The following CTNNA2 variants were observed in gnomAD, a reference collection of about 807,000 sequenced individuals.
CTNNA2 encodes the protein catenin alpha-2.
Under a neutral mutation model 101.0 loss-of-function variants are expected in CTNNA2, and 42 were observed. That is an observed-to-expected ratio of 0.42 (90% CI 0.32 to 0.54). The LOEUF is 0.54. CTNNA2 is among the 20% of genes least tolerant of loss of function. The pLI, the probability that CTNNA2 is intolerant of heterozygous loss-of-function variation, is 0.14. For synonymous variants in CTNNA2, 450 were observed against 456.4 expected, an observed-to-expected ratio of 0.99 and a Z score of 0.18; for missense variants, 871 against 1,223.1, an observed-to-expected ratio of 0.71 and a Z score of 4.29.
At chr2:79,963,853 T>C (rs994316156) in intron 7 of CTNNA2, among the ~76,000 whole-genome samples, 4 of 152,202 alleles carry the variant, frequency 2.6e-5, no homozygotes, top group African/African-American at 9.6e-5. Flanking sequence ...CCTTTGGAAA[T>C]TTGATTCTCA....
At chr2:80,044,386 A>AG (rs1479381854) in intron 7 of CTNNA2, among the ~76,000 whole-genome samples, 2 of 151,582 alleles carry the variant, frequency 1.3e-5, no homozygotes, top group African/African-American at 2.4e-5. Context: ...CATTTGTAAA[A>AG]AAAAATTAAA....
intron 3 of CTNNA2, among the ~76,000 whole-genome samples, chr2:79,364,009 A>T (rs1465268971): frequency 6.6e-6 from 1 of 152,180 alleles, no homozygotes; most frequent in Non-Finnish European, 1.5e-5. Context: ...AGCTGGAGAA[A>T]AGGCATTACA....
At chr2:80,300,608 A>G (rs1676196279) in intron 7 of CTNNA2, among the ~76,000 whole-genome samples, 1 of 151,928 alleles carries the variant, frequency 6.6e-6, no homozygotes, top group Non-Finnish European at 1.5e-5. Context: ...TCTTCCTGCT[A>G]TTTGGACTTC....
At chr2:79,803,856 C>T (rs1449312133) in intron 3 of CTNNA2, among the ~76,000 whole-genome samples, 1 of 152,178 alleles carries the variant, frequency 6.6e-6, no homozygotes, top group South Asian at 2.1e-4. Flanking sequence ...CAAAAGAAAA[C>T]ACTCTAGTAG....
At chr2:79,341,074 A>G (rs892192502) in intron 3 of CTNNA2, among the ~76,000 whole-genome samples, 9 of 152,068 alleles carry the variant, frequency 5.9e-5, no homozygotes, top group Admixed American at 4.6e-4. Flanking sequence ...CTAGAAAAAT[A>G]CTAATTATTA....
At chr2:80,322,114 C>T (rs752327964) in intron 7 of CTNNA2, among the ~76,000 whole-genome samples, 20 of 152,138 alleles carry the variant, frequency 1.3e-4, no homozygotes, top group Non-Finnish European at 2.8e-4. Flanking sequence ...TTTATCAAAA[C>T]ATTTAGCTCA....
In CTNNA2 at chr2:80,120,743, C is replaced by T. The variant is rs146142800; in HGVS notation, c.1056+210946C>T. Among the ~76,000 whole-genome samples the T allele has an allele frequency of 4.6e-5, 7 of 152,212 alleles. No individual in the cohort carries two copies. In the East Asian group the frequency reaches 5.8e-4, roughly 13 times the overall value. Reference sequence around the variant, plus strand: ...CAAGTAGGACAGGATATCAGGGCTCCGGATCATATTTTTCTGAGGTGCTCT... The same window carrying T: ...CAAGTAGGACAGGATATCAGGGCTCTGGATCATATTTTTCTGAGGTGCTCT... On this transcript the variant is annotated intron_variant, in intron 7 of 18. Coordinates refer to ENST00000402739, the MANE Select transcript of CTNNA2 (RefSeq NM_001282597.3).
chr2:80,631,975 ATAAAG>A (rs1387876365), intron 18 of CTNNA2, among the ~76,000 whole-genome samples: 3 of 152,242 alleles, frequency 2.0e-5, no homozygotes, highest in African/African-American at 7.2e-5. Context: ...TGGAAAAAAA[ATAAAG>A]TATATTAACC....
intron 6 of CTNNA2, among the ~76,000 whole-genome samples, chr2:79,893,993 CTT>C (rs1367607211): frequency 1.4e-3 from 71 of 49,388 alleles, no homozygotes; most frequent in African/African-American, 3.5e-3. Context: ...AGGCTGTTTT[CTT>C]CTTCTTCTTC....
intron 9 of CTNNA2, among the ~76,000 whole-genome samples, chr2:80,490,748 A>G (rs1431612122): frequency 6.6e-6 from 1 of 152,218 alleles, no homozygotes; most frequent in Non-Finnish European, 1.5e-5. Flanking sequence ...TTTCTCCCAC[A>G]AAATAATTGG....
chr2:79,287,539 T>TG lies in CTNNA2; in HGVS notation c.-405-25164dup, dbSNP rs544764386. 1.3e-4 allele frequency among the ~76,000 whole-genome samples: 17 copies of TG among 130,944 alleles called. No individual in the cohort carries two copies. In the East Asian group the frequency reaches 3.7e-3, roughly 28 times the overall value. 85.9% of individuals were successfully genotyped at this position (130,944 alleles called of 152,430 possible). On this transcript the variant is annotated intron_variant, in intron 2 of 21. Coordinates refer to the CTNNA2 transcript ENST00000466387. Reference sequence around the variant, plus strand: ...GTGTGAGGTGTCAGTCTGCCCCTGCTGGGGGGTGCCTCCCAGTTAGGCTGC... The same window carrying TG: ...GTGTGAGGTGTCAGTCTGCCCCTGCTGGGGGGGTGCCTCCCAGTTAGGCTGC...
intron 7 of CTNNA2, among the ~76,000 whole-genome samples, chr2:80,119,853 G>GA (rs1377176520): frequency 3.3e-5 from 5 of 152,168 alleles, no homozygotes; most frequent in Non-Finnish European, 5.9e-5. Context: ...GTAAGACAAT[G>GA]AATTTAAAGT....
intron 3 of CTNNA2, among the ~76,000 whole-genome samples, chr2:79,357,606 G>A (rs1677536611): frequency 6.6e-6 from 1 of 152,064 alleles, no homozygotes; most frequent in African/African-American, 2.4e-5. Flanking sequence ...CTGAAAGACA[G>A]CCAACCAAAG....
chr2:80,278,452 T>C (rs931964259), intron 7 of CTNNA2, among the ~76,000 whole-genome samples: 1 of 152,152 alleles, frequency 6.6e-6, no homozygotes, highest in African/African-American at 2.4e-5. Context: ...TGGTGGTTGA[T>C]TGGCTGCATC....
At chr2:80,515,092 G>A (rs1689006548) in intron 9 of CTNNA2, among the ~76,000 whole-genome samples, 1 of 151,754 alleles carries the variant, frequency 6.6e-6, no homozygotes, top group African/African-American at 2.4e-5. Context: ...GTGACTAAAA[G>A]CCTTCAAACA....
At chr2:80,566,172 C>A (rs925220108) in intron 12 of CTNNA2, among the ~76,000 whole-genome samples, 10 of 152,154 alleles carry the variant, frequency 6.6e-5, no homozygotes, top group African/African-American at 2.4e-4. Context: ...ATTTAACTTG[C>A]CACGTGGGCT....
At chr2:80,055,709 C>T (rs1697173847) in intron 7 of CTNNA2, among the ~76,000 whole-genome samples, 1 of 152,076 alleles carries the variant, frequency 6.6e-6, no homozygotes, top group South Asian at 2.1e-4. Context: ...CAGTCTTAAC[C>T]ACTCATCAGC....
At chr2:80,081,668 A>G (rs1699158225) in intron 7 of CTNNA2, among the ~76,000 whole-genome samples, 1 of 151,936 alleles carries the variant, frequency 6.6e-6, no homozygotes, top group South Asian at 2.1e-4. Context: ...GCTTACCTTT[A>G]TTGTTTAATT....
chr2:80,292,337 T>A (rs1187540504), intron 7 of CTNNA2, among the ~76,000 whole-genome samples: 3 of 152,112 alleles, frequency 2.0e-5, no homozygotes, highest in Non-Finnish European at 4.4e-5. Flanking sequence ...CTTGCCAAAG[T>A]CACTCAGCCA....
Sources: allele counts gnomAD v4.1 joint callset (sites outside exome capture counted in the v4.1 genomes callset), GRCh38; gene constraint gnomAD v4.1.1; transcripts MANE v1.5; gene names NCBI Gene and HGNC (gene_info 2026-07-23, HGNC 2026-07-21).